EIF4G3: variants seen among roughly 807,000 people sequenced by gnomAD.
EIF4G3 encodes the protein eukaryotic translation initiation factor 4 gamma 3, also known as eIF-4-gamma 3.
In EIF4G3, 34 loss-of-function variants were observed where a neutral mutation model predicts 186.4. The observed-to-expected ratio is 0.18, with a 90% CI of 0.14 to 0.24. The LOEUF (loss-of-function observed/expected upper bound fraction) is 0.24, where lower values mean the gene tolerates loss of function less well. Ranked by LOEUF, EIF4G3 falls within the 10% of genes least tolerant of loss-of-function variation. EIF4G3 has a pLI of 1.00. For missense variants in EIF4G3, 1,536 were observed against 1,948.5 expected (o/e 0.79, Z 3.99); for synonymous variants, 673 against 679.5 (o/e 0.99, Z 0.15).
Position 20,950,063 on chromosome 1 carries a change from C to T in EIF4G3, c.763G>A (p.Val255Met). The change falls in exon 13 of 37, where the codon GTG (valine) becomes ATG (methionine). Residue 255 changes from valine to methionine, a missense_variant. Val to Met is a conservative substitution (Grantham distance 21). This residue lies in a region of EIF4G3 where 560 missense variants were observed against 547.8 expected (regional missense o/e 1.02). Transcript: ENST00000602326. ...PEHSPVVYGT[V>M]ESAHLAASTP... ...CTGGCAGCAAGATGAGCGCTCTCCA[C>T]AGTCCCATAAACCACAGGGCTGTGC... 2 of 1,612,944 alleles carry T rather than the reference C, an allele frequency of 1.2e-6. No homozygotes were observed. Among genetic ancestry groups the T allele is most frequent in the Non-Finnish European group, 1.7e-6 (2 of 1,179,502 alleles).
At chr1:20,819,728 T>C (rs1015383991) in intron 33 of EIF4G3, among the ~76,000 whole-genome samples, 4 of 152,172 alleles carry the variant, frequency 2.6e-5, no homozygotes, top group African/African-American at 9.7e-5. Flanking sequence ...AAATAACTAA[T>C]AGGTACTAGG....
intron 33 of EIF4G3, among the ~76,000 whole-genome samples, chr1:20,821,147 T>C (rs1178959685): frequency 2.0e-5 from 3 of 152,178 alleles, no homozygotes; most frequent in African/African-American, 7.2e-5. Flanking sequence ...TAAATACTTT[T>C]GATAGTCACA....
intron 13 of EIF4G3, among the ~76,000 whole-genome samples, chr1:20,948,264 G>A (rs2096057383): frequency 6.6e-6 from 1 of 152,170 alleles, no homozygotes; most frequent in Admixed American, 6.5e-5. Flanking sequence ...ATCATTGAAG[G>A]TAGCAAGTCG....
intron 19 of EIF4G3, 96 bp downstream of exon 19, chr1:20,886,105 A>G: frequency 7.2e-7 from 1 of 1,385,990 alleles, no homozygotes; most frequent in South Asian, 1.4e-5. Context: ...AAAAAGTCTT[A>G]AACTGATTAT....
intron 2 of EIF4G3, among the ~76,000 whole-genome samples, chr1:21,145,393 C>T (rs746730876): frequency 1.3e-5 from 2 of 151,594 alleles, no homozygotes; most frequent in East Asian, 1.9e-4. Flanking sequence ...ACCAATGATC[C>T]GGACCAACAT....
At chr1:20,964,259 A>G (rs1338762297) in intron 12 of EIF4G3, among the ~76,000 whole-genome samples, 1 of 152,174 alleles carries the variant, frequency 6.6e-6, no homozygotes, top group East Asian at 1.9e-4. Flanking sequence ...TTAAGAACTT[A>G]ATGTTCTGAC....
chr1:20,835,036 C>G (rs1030118960), intron 30 of EIF4G3, among the ~76,000 whole-genome samples: 1 of 140,326 alleles, frequency 7.1e-6, no homozygotes, highest in Admixed American at 7.7e-5. Flanking sequence ...CTTTTTGGAT[C>G]ACAATGCAAT....
At chr1:20,931,245 A>T (rs1358248997) in intron 14 of EIF4G3, among the ~76,000 whole-genome samples, 1 of 152,176 alleles carries the variant, frequency 6.6e-6, no homozygotes, top group East Asian at 1.9e-4. Flanking sequence ...TGGCAGCTAT[A>T]GACATACAAA....
intron 30 of EIF4G3, among the ~76,000 whole-genome samples, chr1:20,836,086 A>T (rs1371109319): frequency 6.6e-6 from 1 of 152,160 alleles, no homozygotes; most frequent in African/African-American, 2.4e-5. Flanking sequence ...CAGTATGGCA[A>T]TCCTCCTACC....
chr1:20,970,635 C>G (rs970808079), intron 11 of EIF4G3, among the ~76,000 whole-genome samples: 8 of 149,574 alleles, frequency 5.3e-5, no homozygotes, highest in African/African-American at 2.0e-4. Flanking sequence ...ATCTTACGTC[C>G]TTACAATTAA....
intron 2 of EIF4G3, among the ~76,000 whole-genome samples, chr1:21,109,227 T>G (rs951517373): frequency 6.6e-6 from 1 of 152,140 alleles, no homozygotes; most frequent in African/African-American, 2.4e-5. Context: ...AGGAAAAAGC[T>G]ACAAGGGTTT....
At chr1:21,127,750 T>C (rs1488693385) in intron 2 of EIF4G3, among the ~76,000 whole-genome samples, 2 of 152,070 alleles carry the variant, frequency 1.3e-5, no homozygotes, top group Non-Finnish European at 2.9e-5. Flanking sequence ...GCACAAAATA[T>C]GAGAAAAGTA....
At chr1:20,991,202 G>C (rs1000653019) in intron 7 of EIF4G3, among the ~76,000 whole-genome samples, 2 of 152,090 alleles carry the variant, frequency 1.3e-5, no homozygotes, top group African/African-American at 4.8e-5. Context: ...ACTAAGAATC[G>C]GGATATGGAA....
chr1:21,024,135 C>T (rs1305495439), intron 4 of EIF4G3, among the ~76,000 whole-genome samples: 7 of 150,670 alleles, frequency 4.6e-5, no homozygotes, highest in African/African-American at 9.8e-5. Flanking sequence ...GGAGCGTCTC[C>T]GCCCGGCAGT....
intron 7 of EIF4G3, among the ~76,000 whole-genome samples, chr1:20,982,709 C>CA (rs1456235625): frequency 6.6e-6 from 1 of 152,160 alleles, no homozygotes; most frequent in Non-Finnish European, 1.5e-5. Flanking sequence ...TGCTTGGTGG[C>CA]ACAAGTACAG....
chr1:21,163,769 T>G (rs987866936), intron 2 of EIF4G3, among the ~76,000 whole-genome samples: 1 of 152,060 alleles, frequency 6.6e-6, no homozygotes, highest in Non-Finnish European at 1.5e-5. Flanking sequence ...TTGTTTTTTG[T>G]TTGTTTTGTT....
At chr1:21,142,871 ATAAG>A (rs1170629306) in intron 2 of EIF4G3, among the ~76,000 whole-genome samples, 2 of 152,224 alleles carry the variant, frequency 1.3e-5, no homozygotes, top group African/African-American at 4.8e-5. Flanking sequence ...AGCAGCATCC[ATAAG>A]TAATTCTAGT....
intron 3 of EIF4G3, among the ~76,000 whole-genome samples, chr1:21,071,788 A>G (rs1445027519): frequency 6.6e-6 from 1 of 151,198 alleles, no homozygotes; most frequent in East Asian, 2.0e-4. Context: ...CCTAGGTGAC[A>G]GAGCGAGGCT....
chr1:20,862,428 T>A, intron 22 of EIF4G3, 96 bp from the exon 23 acceptor site: 1 of 754,082 alleles, frequency 1.3e-6, no homozygotes, highest in Non-Finnish European at 2.1e-6. Flanking sequence ...TCTATTTATT[T>A]TTTTAGAGAT....
Sources: allele counts gnomAD v4.1 joint callset (sites outside exome capture counted in the v4.1 genomes callset), GRCh38; gene constraint gnomAD v4.1.1; regional missense constraint gnomAD v4.1.1; transcripts MANE v1.5; gene names NCBI Gene and HGNC (gene_info 2026-07-23, HGNC 2026-07-21).